Variants in VDR observed in about 807,000 individuals in gnomAD.
VDR encodes vitamin D receptor.
VDR carries 19 observed loss-of-function variants against 39.7 expected under a neutral mutation model. The ratio of observed to expected loss-of-function variants is 0.48; its 90% CI spans 0.33 to 0.70. The LOEUF is 0.70. VDR is among the 30% of genes least tolerant of loss of function. VDR has a pLI of 0.02. For missense variants in VDR, 442 were observed against 570.5 expected (o/e 0.77, Z 2.29); for synonymous variants, 242 against 215.8 (o/e 1.12, Z -1.07).
At chr12:47,888,013 T>G (rs895224240) in intron 1 of VDR, among the ~76,000 whole-genome samples, 1 of 152,164 alleles carries the variant, frequency 6.6e-6, no homozygotes, top group Admixed American at 6.5e-5. Context: ...GATAAAGACA[T>G]ACCTGAGACT....
intron 4 of VDR, among the ~76,000 whole-genome samples, chr12:47,859,475 C>T (rs992595668): frequency 6.6e-6 from 1 of 152,186 alleles, no homozygotes; most frequent in Non-Finnish European, 1.5e-5. Flanking sequence ...CCTGCATTTC[C>T]AGTTGTGCTA....
At chr12:47,873,604 G>T (rs549399704) in intron 3 of VDR, among the ~76,000 whole-genome samples, 1 of 151,392 alleles carries the variant, frequency 6.6e-6, no homozygotes, top group Non-Finnish European at 1.5e-5. Context: ...CTCGTGATCC[G>T]CCCGCCTCGG....
intron 7 of VDR, among the ~76,000 whole-genome samples, chr12:47,848,640 C>T (rs978119719): frequency 7.5e-6 from 1 of 132,648 alleles, no homozygotes. Flanking sequence ...GATCTTGGCT[C>T]ACTGCAACCT....
Position 47,842,485 on chromosome 12 carries a change from G to C in VDR, c.*2261C>G, listed in dbSNP as rs1010232270. 1 of 152,188 alleles carries C rather than the reference G, an allele frequency of 6.6e-6. No homozygotes were observed. Among genetic ancestry groups the C allele is most frequent in the Admixed American group, 6.6e-5 (1 of 15,250 alleles). 9.4% of individuals were successfully genotyped at this position (152,188 alleles called of 1,614,324 possible). A position where few individuals can be genotyped will look rare whatever the true frequency, so the allele number is the denominator to read the frequency against. On this transcript the variant is annotated 3_prime_UTR_variant, in exon 10 of 10. Transcript: ENST00000549336. The stretch of plus-strand genomic sequence containing the variant: ...CCTGTCCTGGTCCACTTCTAAGACG[G>C]AGTTTCGCTCTTGTTGTCCAGGTTG...
At chr12:47,896,653 T>A (rs1167323288) in intron 1 of VDR, 4 of 152,210 alleles carry the variant, frequency 2.6e-5, no homozygotes, top group African/African-American at 9.7e-5. Context: ...CAACCTCGAA[T>A]TAGTTCCACT....
In VDR at chr12:47,903,047, C is replaced by T. The variant is rs112694780; in HGVS notation, c.-84+1908G>A. 6.6e-3 allele frequency among the ~76,000 whole-genome samples: 1,013 copies of T among 152,352 alleles called. 16 individuals carry two copies. The highest frequency in any genetic ancestry group is 0.023 in the African/African-American group (974 of 41,576). ...ACACAAACTATCAGGGCACCCCAAA[C>T]AGCACCCGACCTTCCATAATGTTTA... On this transcript the variant is annotated intron_variant, in intron 1 of 9. Coordinates refer to ENST00000549336, the MANE Select transcript of VDR (RefSeq NM_000376.3).
rs1297687126 is a variant in VDR at position 47,842,552 on chromosome 12, C to G, written c.*2194G>C. Reference sequence around the variant, plus strand: ...TCTCAGCTCACTGCAACCTCCACCTCCTGGGTTCAATTCTTCTGCCTCAGC... The same window carrying G: ...TCTCAGCTCACTGCAACCTCCACCTGCTGGGTTCAATTCTTCTGCCTCAGC... On this transcript the variant is annotated 3_prime_UTR_variant, in exon 10 of 10. Transcript: ENST00000549336. The G allele has an allele frequency of 6.6e-6, 1 of 152,064 alleles. No individual in the cohort carries two copies. The highest frequency in any genetic ancestry group is 2.4e-5 in the African/African-American group (1 of 41,344). The allele number at this position is 152,064 out of a possible 1,614,324, so 9.4% of individuals were successfully genotyped here.
At chr12:47,876,138 G>C (rs953886596) in intron 3 of VDR, among the ~76,000 whole-genome samples, 1 of 152,192 alleles carries the variant, frequency 6.6e-6, no homozygotes, top group Non-Finnish European at 1.5e-5. Context: ...TGACCACAAA[G>C]GGGCTGCAAG....
intron 1 of VDR, among the ~76,000 whole-genome samples, chr12:47,889,630 A>G (rs1268077963): frequency 6.6e-6 from 1 of 152,196 alleles, no homozygotes; most frequent in Non-Finnish European, 1.5e-5. Context: ...GTACTTCCCA[A>G]GGATATCTGC....
At chr12:47,845,201 A>G (rs934316309) in intron 9 of VDR, among the ~76,000 whole-genome samples, 196 bp from the exon 10 acceptor site, 2 of 151,482 alleles carry the variant, frequency 1.3e-5, no homozygotes, top group Admixed American at 1.3e-4. Flanking sequence ...TAGGATCCAG[A>G]CCTAGGTCCT....
chr12:47,904,484 A>AAAAG, intron 1 of VDR: 1 of 1,006,522 alleles, frequency 9.9e-7, no homozygotes, highest in East Asian at 3.1e-5. Flanking sequence ...AAAAAAAAAA[A>AAAAG]AAATTACTTA....
chr12:47,871,459 T>C (rs1163705880), intron 3 of VDR, among the ~76,000 whole-genome samples: 3 of 134,078 alleles, frequency 2.2e-5, no homozygotes, highest in Non-Finnish European at 4.7e-5. Context: ...CTTTTCTCTC[T>C]TTCTTTCTTT....
At chr12:47,883,265 G>A (rs1350835279) in intron 1 of VDR, among the ~76,000 whole-genome samples, 1 of 152,226 alleles carries the variant, frequency 6.6e-6, no homozygotes, top group Non-Finnish European at 1.5e-5. Flanking sequence ...CCGCACAGGA[G>A]CTGGGAATGG....
In VDR at chr12:47,844,699, G is replaced by A. The variant is rs1344429426; in HGVS notation, c.*47C>T. The A allele has an allele frequency of 6.2e-7, 1 of 1,612,054 alleles. No individual in the cohort carries two copies. Among genetic ancestry groups the A allele is most frequent in the Non-Finnish European group, 8.5e-7 (1 of 1,179,600 alleles). ...CCGCCAGCCCCGGGCCTGGCACGTG[G>A]CCCTGGAGGAGCAGCCCCACCCAGG... On this transcript the variant is annotated 3_prime_UTR_variant, in exon 10 of 10. Transcript: ENST00000549336.
intron 3 of VDR, among the ~76,000 whole-genome samples, chr12:47,870,760 G>C (rs934012433): frequency 1.3e-5 from 2 of 152,200 alleles, no homozygotes; most frequent in South Asian, 2.1e-4. Flanking sequence ...CTGTCACAGA[G>C]ATTCCAGCGT....
intron 7 of VDR, 150 bp from the exon 8 acceptor site, chr12:47,846,958 G>T: frequency 1.1e-6 from 1 of 898,346 alleles, no homozygotes; most frequent in Non-Finnish European, 1.8e-6. Context: ...GGCTGGAAGG[G>T]ACAAGAGTGT....
chr12:47,856,254 G>T (rs975458162), intron 6 of VDR, among the ~76,000 whole-genome samples: 1 of 152,156 alleles, frequency 6.6e-6, no homozygotes, highest in African/African-American at 2.4e-5. Flanking sequence ...TGAGGGCTGG[G>T]GTGCTAAAGG....
At chr12:47,870,439 C>T (rs1344869817) in intron 3 of VDR, among the ~76,000 whole-genome samples, 2 of 152,102 alleles carry the variant, frequency 1.3e-5, no homozygotes, top group African/African-American at 4.8e-5. Context: ...CCCTGTCATC[C>T]TCTGGTTGGT....
In VDR at chr12:47,899,502, A is replaced by G. The variant is rs562916033; in HGVS notation, c.-84+5453T>C. 1.2e-3 allele frequency among the ~76,000 whole-genome samples: 179 copies of G among 152,366 alleles called. 1 individual carries two copies. Among genetic ancestry groups the G allele is most frequent in the South Asian group, 1.2e-3 (6 of 4,832 alleles). On this transcript the variant is annotated intron_variant, in intron 1 of 9. Coordinates refer to ENST00000549336, the MANE Select transcript of VDR (RefSeq NM_000376.3). ...ACTTGCCCAAGGTCACAAGCTACAA[A>G]GCGACCTCGCCAAGATTTGAACCCA...
Sources: gnomAD v4.1 joint callset for allele counts (sites outside exome capture counted in the v4.1 genomes callset) on GRCh38, gnomAD v4.1.1 for gene constraint, MANE v1.5 for transcripts, NCBI Gene and HGNC (gene_info 2026-07-23, HGNC 2026-07-21) for gene names.